GPLD1: variants seen among roughly 807,000 people sequenced by gnomAD.
The protein encoded by GPLD1 is phosphatidylinositol-glycan-specific phospholipase D.
A neutral mutation model predicts 112.6 loss-of-function variants in GPLD1; 84 were observed. That is an observed-to-expected ratio of 0.75 (90% CI 0.63 to 0.89). The LOEUF is 0.89. GPLD1 is among the 40% of genes least tolerant of loss of function. GPLD1 has a pLI of 0.00. For missense variants in GPLD1, 1,044 were observed against 1,051.5 expected, an observed-to-expected ratio of 0.99 and a Z score of 0.10; for synonymous variants, 386 against 403.8, an observed-to-expected ratio of 0.96 and a Z score of 0.53.
chr6:24,442,879 C>T (rs1409596138), intron 20 of GPLD1, among the ~76,000 whole-genome samples: 1 of 152,038 alleles, frequency 6.6e-6, no homozygotes, highest in Non-Finnish European at 1.5e-5. Context: ...CCATGCCTGA[C>T]CTTCTATTTT....
chr6:24,439,983 A>AT (rs200841728), intron 20 of GPLD1, among the ~76,000 whole-genome samples: 5,069 of 152,190 alleles, frequency 0.033, 81 homozygotes, highest in Middle Eastern at 0.075. Flanking sequence ...GGTGGTGGGT[A>AT]TTTTTTAAAT....
At position 24,442,505 on chromosome 6, in the gene GPLD1, C is replaced by T. The variant is rs565016172; in HGVS notation, c.2020+3041G>A. On this transcript the variant is annotated intron_variant, in intron 20 of 24. Coordinates refer to ENST00000230036, the MANE Select transcript of GPLD1 (RefSeq NM_001503.4). Reference sequence around the variant, plus strand: ...TGTCACCCAGGCTGGAGTGCAGTGGCACAATCTCAGCTCACTGCAAGCTCT... The same window carrying T: ...TGTCACCCAGGCTGGAGTGCAGTGGTACAATCTCAGCTCACTGCAAGCTCT... 6.2e-4 allele frequency among the ~76,000 whole-genome samples: 84 copies of T among 136,078 alleles called. 9 individuals are homozygous for T. The highest frequency in any genetic ancestry group is 5.5e-3 in the East Asian group (22 of 4,026). The allele number at this position is 136,078 out of a possible 152,430, so 89.3% of individuals were successfully genotyped here.
Position 24,445,532 on chromosome 6 carries a change from A to G in GPLD1, c.2020+14T>C. The G allele has an allele frequency of 5.1e-6, 8 of 1,576,958 alleles. No homozygotes were observed. Among genetic ancestry groups the G allele is most frequent in the Non-Finnish European group, 7.0e-6 (8 of 1,146,350 alleles). ...TGACTGAAAGGAAGCACAGTTTCAC[A>G]GTGTGTGACCTACCGTACGTAGGGG... On this transcript the variant is annotated intron_variant, in intron 20 of 24. Coordinates refer to ENST00000230036, the MANE Select transcript of GPLD1 (RefSeq NM_001503.4).
intron 10 of GPLD1, among the ~76,000 whole-genome samples, chr6:24,463,632 G>A (rs1763506239): frequency 6.6e-6 from 1 of 152,172 alleles, no homozygotes; most frequent in African/African-American, 2.4e-5. Flanking sequence ...TTCAAATAGA[G>A]TTTGAGGTGA....
intron 6 of GPLD1, 47 bp downstream of exon 6, chr6:24,473,572 A>G (rs374374131): frequency 1.3e-5 from 15 of 1,180,158 alleles, no homozygotes; most frequent in Non-Finnish European, 1.8e-5. Flanking sequence ...TGTCATTATA[A>G]GTGAACTATA....
downstream of GPLD1, chr6:24,425,180 TTTGGCACACCTC>T (rs1159517086): frequency 6.6e-6 from 1 of 152,190 alleles, no homozygotes; most frequent in Non-Finnish European, 1.5e-5. Flanking sequence ...AGGGCACACT[TTTGGCACACCTC>T]AGAGCACACT....
Position 24,462,749 on chromosome 6 carries a change from G to A in GPLD1, c.868C>T (p.Gln290Ter). ...ACTTACCCCTGGGTGTGGTTTTGCT[G>A]GCCGCCACATGCAATGAACAGAGGG... ...ENPLFIACGG[Q>*]QNHTQGSKMQ... The change falls in exon 11 of 25, where the codon CAG becomes TAG. Residue 290 changes from glutamine to a stop codon, truncating the protein, a stop_gained. Transcript: ENST00000230036. LOFTEE classifies it high-confidence loss of function. 1 of 1,613,132 alleles carries A rather than the reference G, an allele frequency of 6.2e-7. No homozygotes were observed. The highest frequency in any genetic ancestry group is 8.5e-7 in the Non-Finnish European group (1 of 1,179,122).
chr6:24,441,057 C>T (rs2127324144), intron 20 of GPLD1, among the ~76,000 whole-genome samples: 1 of 152,162 alleles, frequency 6.6e-6, no homozygotes, highest in East Asian at 1.9e-4. Context: ...AATCCCAGCA[C>T]TGTGGGAGGC....
rs1206366669 is a variant in GPLD1, at chr6:24,467,217, G to T, written c.603C>A (p.Val201=). ...GIYEKLYGRK[V]ITENVIVDCS... is the part of the protein sequence containing the mutation. ...AATCAACGATTACATTTTCGGTGAT[G>T]ACTTTTCGACCATACAGTTTCTCAT... is the stretch of plus-strand genomic sequence containing the variant. Residue 201 remains valine, a synonymous_variant, in exon 8 of 25, where the codon GTC becomes GTA. Coordinates refer to ENST00000230036, the MANE Select transcript of GPLD1 (RefSeq NM_001503.4). 8.7e-6 allele frequency: 14 copies of T among 1,608,288 alleles called. No individual in the cohort carries two copies. The highest frequency in any genetic ancestry group is 1.2e-5 in the Non-Finnish European group (14 of 1,174,834).
rs3181759 is a variant in GPLD1, at chr6:24,437,207, C to A, written c.2103G>T (p.Ala701=). Residue 701 remains alanine (A), a synonymous_variant, in exon 21 of 25, where the codon GCG becomes GCT. Coordinates refer to ENST00000230036, the MANE Select transcript of GPLD1 (RefSeq NM_001503.4). ...TGAAGGTGCTGAGCAGCAGAGGCTG[C>A]GCGTCAGATGTGAGTGCGTACATGC... The part of the protein sequence containing the change: ...ATRMYALTSD[A]QPLLLSTFSG... 6.2e-7 allele frequency: 1 copy of A among 1,614,016 alleles called. No homozygotes were observed. Among genetic ancestry groups the A allele is most frequent in the Non-Finnish European group, 8.5e-7 (1 of 1,179,874 alleles).
intron 14 of GPLD1, among the ~76,000 whole-genome samples, chr6:24,451,377 T>G (rs1364434473): frequency 6.6e-6 from 1 of 152,176 alleles, no homozygotes; most frequent in Non-Finnish European, 1.5e-5. Context: ...AGTTTCGCTC[T>G]TGTTGCCCAG....
intron 16 of GPLD1, 43 bp downstream of exon 16, chr6:24,448,091 G>C (rs1762969727): frequency 6.2e-7 from 1 of 1,611,326 alleles, no homozygotes; most frequent in African/African-American, 1.3e-5. Flanking sequence ...TTAGGATACA[G>C]CGAGTTCTAG....
intron 22 of GPLD1, among the ~76,000 whole-genome samples, chr6:24,434,379 CAG>C (rs1162842511): frequency 1.3e-5 from 2 of 150,370 alleles, no homozygotes; most frequent in Non-Finnish European, 3.0e-5. Flanking sequence ...GCCTGGATGA[CAG>C]AGTGAGACTC....
Position 24,475,163 on chromosome 6 carries a change from A to C in GPLD1, c.399T>G (p.His133Gln). 2.5e-6 allele frequency: 4 copies of C among 1,611,874 alleles called. No homozygotes were observed. The highest frequency in any genetic ancestry group is 1.7e-6 in the Non-Finnish European group (2 of 1,177,914). Residue 133 changes from histidine to glutamine, a missense_variant, in exon 5 of 25, where the codon CAT becomes CAG. Transcript: ENST00000230036. ...TSHMAADVSW[H>Q]SLGLEQGFLR... The stretch of plus-strand genomic sequence containing the variant: ...GGAATCCTTGTTCAAGGCCCAGACT[A>C]TGCCAGCTGACATCTGCCGCCATGT...
intron 24 of GPLD1, among the ~76,000 whole-genome samples, chr6:24,430,732 C>T (rs1762376772): frequency 6.6e-6 from 1 of 152,154 alleles, no homozygotes; most frequent in South Asian, 2.1e-4. Flanking sequence ...AAAAAGGCCA[C>T]TCTGATCATC....
chr6:24,460,453 T>C, intron 11 of GPLD1, 54 bp from the exon 12 acceptor site: 1 of 1,577,950 alleles, frequency 6.3e-7, no homozygotes, highest in Non-Finnish European at 8.6e-7. Flanking sequence ...CAACCCCCTG[T>C]AAAACTGAGT....
chr6:24,480,879 C>T (rs1049389942), intron 2 of GPLD1, among the ~76,000 whole-genome samples: 3 of 152,192 alleles, frequency 2.0e-5, no homozygotes, highest in Non-Finnish European at 4.4e-5. Flanking sequence ...CCTCGGCTAA[C>T]ATGGAAGCAT....
intron 20 of GPLD1, among the ~76,000 whole-genome samples, chr6:24,440,920 A>G (rs1762726845): frequency 2.0e-5 from 3 of 152,162 alleles, no homozygotes; most frequent in African/African-American, 4.8e-5. Context: ...TACTATAAAC[A>G]ATACAGCCAT....
At chr6:24,442,073 T>G (rs1038787117) in intron 20 of GPLD1, among the ~76,000 whole-genome samples, 1 of 149,186 alleles carries the variant, frequency 6.7e-6, no homozygotes, top group South Asian at 2.1e-4. Context: ...ACTTTATAAA[T>G]TAGCATATTA....
Sources: gnomAD v4.1 joint callset for allele counts (sites outside exome capture counted in the v4.1 genomes callset) on GRCh38, gnomAD v4.1.1 for gene constraint, MANE v1.5 for transcripts, NCBI Gene and HGNC (gene_info 2026-07-23, HGNC 2026-07-21) for gene names.